The following COPS3 variants were observed in gnomAD, a reference collection of about 807,000 sequenced individuals.
COPS3 encodes COP9 signalosome complex subunit 3.
In COPS3, 10 loss-of-function variants were observed where a neutral mutation model predicts 58.2. The observed-to-expected ratio is 0.17, with a 90% CI of 0.11 to 0.29. The LOEUF is 0.29. COPS3 is among the 10% of genes least tolerant of loss of function. The pLI is 1.00. For synonymous variants in COPS3, 187 were observed against 181.7 expected (o/e 1.03, Z -0.24); for missense variants, 333 against 510.1 (o/e 0.65, Z 3.34).
At chr17:17,268,070 T>A in intron 4 of COPS3, 93 bp from the exon 5 acceptor site, 1 of 1,457,150 alleles carries the variant, frequency 6.9e-7, no homozygotes, top group Non-Finnish European at 9.1e-7. Flanking sequence ...ATAACACTAA[T>A]TGATAGGTTC....
chr17:17,271,851 T>TATATAG (rs2048355743), intron 2 of COPS3, among the ~76,000 whole-genome samples: 1 of 142,964 alleles, frequency 7.0e-6, no homozygotes. Context: ...TATATATATA[T>TATATAG]ATATATACAC....
intron 9 of COPS3, among the ~76,000 whole-genome samples, chr17:17,252,502 C>T (rs574005118): frequency 8.6e-5 from 13 of 151,964 alleles, no homozygotes; most frequent in Non-Finnish European, 1.6e-4. Context: ...ATCCCTGGCC[C>T]GTACCCATTA....
chr17:17,272,620 A>ATT, intron 2 of COPS3, among the ~76,000 whole-genome samples: 1 of 152,024 alleles, frequency 6.6e-6, no homozygotes, highest in East Asian at 1.9e-4. Flanking sequence ...ATTGAATGAA[A>ATT]ATATTGGCTG....
chr17:17,255,621 A>G (rs143866108), intron 8 of COPS3, among the ~76,000 whole-genome samples: 4 of 150,506 alleles, frequency 2.7e-5, no homozygotes, highest in African/African-American at 4.9e-5. Flanking sequence ...GGGTGGATCA[A>G]TTGAGGTCAA....
chr17:17,260,568 C>T, intron 7 of COPS3, 94 bp from the exon 8 acceptor site: 1 of 1,208,314 alleles, frequency 8.3e-7, no homozygotes, highest in South Asian at 1.4e-5. Flanking sequence ...CTTTGGGAGG[C>T]CGAGGCGGAC....
At chr17:17,268,096 T>G in intron 4 of COPS3, 119 bp from the exon 5 acceptor site, 1 of 1,329,674 alleles carries the variant, frequency 7.5e-7, no homozygotes, top group South Asian at 2.0e-5. Context: ...AATAGCAATA[T>G]GAGGTTTCCA....
At chr17:17,275,819 G>A (rs948703511) in intron 2 of COPS3, among the ~76,000 whole-genome samples, 2 of 152,240 alleles carry the variant, frequency 1.3e-5, no homozygotes, top group African/African-American at 4.8e-5. Context: ...GCGAGTGCCT[G>A]TAGTCCCAGC....
Position 17,247,021 on chromosome 17 carries a change from C to A in COPS3, c.*77G>T. On this transcript the variant is annotated 3_prime_UTR_variant, in exon 12 of 12. Transcript: ENST00000268717. ...GTCTCCAGGTGACACAGGCTTGGTCCTCTCTGCTGCCCTCCGAACACTTGT... is the reference window on the plus strand; with the variant it reads ...GTCTCCAGGTGACACAGGCTTGGTCATCTCTGCTGCCCTCCGAACACTTGT... The A allele has an allele frequency of 7.6e-7, 1 of 1,308,270 alleles. No individual in the cohort carries two copies. The highest frequency in any genetic ancestry group is 1.2e-5 in the South Asian group (1 of 84,866). The allele number at this position is 1,308,270 out of a possible 1,614,324, so 81.0% of individuals were successfully genotyped here. A position where few individuals can be genotyped will look rare whatever the true frequency, so the allele number is the denominator to read the frequency against.
chr17:17,255,485 C>CAAAAA lies in COPS3; in HGVS notation c.937-545_937-541dup, dbSNP rs10529108. On this transcript the variant is annotated intron_variant, in intron 8 of 11. Coordinates refer to ENST00000268717, the MANE Select transcript of COPS3 (RefSeq NM_003653.4). The stretch of plus-strand genomic sequence containing the variant: ...TGGACGACAGAGCAAGACTCTATTT[C>CAAAAA]AAAAAAAAAAGTGTACAGAGCTCTT... 2.3e-5 allele frequency among the ~76,000 whole-genome samples: 3 copies of CAAAAA among 129,034 alleles called. 1 individual carries two copies. Among genetic ancestry groups the CAAAAA allele is most frequent in the Non-Finnish European group, 3.2e-5 (2 of 63,136 alleles). The allele number at this position is 129,034 out of a possible 152,430, so 84.7% of individuals were successfully genotyped here. A position where few individuals can be genotyped will look rare whatever the true frequency, so the allele number is the denominator to read the frequency against.
At position 17,262,083 on chromosome 17, in the gene COPS3, C is replaced by A. The variant is rs374574802; in HGVS notation, c.645G>T (p.Ala215=). 4.3e-6 allele frequency: 7 copies of A among 1,610,292 alleles called. No homozygotes were observed. Among genetic ancestry groups the A allele is most frequent in the Non-Finnish European group, 5.9e-6 (7 of 1,178,980 alleles). The change falls in exon 7 of 12, where the codon GCG becomes GCT. Residue 215 remains alanine (A), a synonymous_variant. Transcript: ENST00000268717. The stretch of plus-strand genomic sequence containing the variant: ...ATGATTCCAACATGATATGACTGAC[C>A]GCCATGGCAGGAGTAGTTATAGCCT... ...YEQAITTPAM[A]VSHIMLESYK...
intron 2 of COPS3, among the ~76,000 whole-genome samples, chr17:17,271,910 ATATAT>A (rs1286653483): frequency 6.8e-6 from 1 of 147,466 alleles, no homozygotes; most frequent in Non-Finnish European, 1.5e-5. Context: ...ATAAACATGT[ATATAT>A]TAAACATATA....
intron 4 of COPS3, among the ~76,000 whole-genome samples, chr17:17,269,773 C>G (rs1017778116): frequency 2.0e-5 from 3 of 152,166 alleles, no homozygotes; most frequent in African/African-American, 7.2e-5. Flanking sequence ...ACTGTCCAAA[C>G]AGCTAATGTC....
chr17:17,268,386 A>G (rs1304158691), intron 4 of COPS3, among the ~76,000 whole-genome samples: 1 of 152,214 alleles, frequency 6.6e-6, no homozygotes. Flanking sequence ...CCCATAGGGC[A>G]GTCTACCCCT....
At chr17:17,270,711 G>A (rs749365527) in intron 4 of COPS3, 47 bp downstream of exon 4, 1 of 1,460,736 alleles carries the variant, frequency 6.8e-7, no homozygotes, top group Admixed American at 2.0e-5. Flanking sequence ...GTGTAAGCTA[G>A]TTACATATTA....
At chr17:17,280,768 G>C in intron 1 of COPS3, 1 of 1,234,184 alleles carries the variant, frequency 8.1e-7, no homozygotes, top group Non-Finnish European at 1.0e-6. Context: ...ATGGCGGTGC[G>C]CCAATCACCG....
intron 9 of COPS3, 129 bp downstream of exon 9, chr17:17,254,730 A>AATCC (rs2047923799): frequency 1.8e-6 from 1 of 541,844 alleles, no homozygotes; most frequent in Non-Finnish European, 3.2e-6. Flanking sequence ...GAATCACTTG[A>AATCC]ATCCGGGAGG....
At chr17:17,248,518 T>G (rs2047772204) in intron 10 of COPS3, among the ~76,000 whole-genome samples, 1 of 152,114 alleles carries the variant, frequency 6.6e-6, no homozygotes, top group African/African-American at 2.4e-5. Flanking sequence ...GGTTTTGCCA[T>G]GTTGGGCAGG....
At chr17:17,265,990 C>T (rs1303708304) in intron 5 of COPS3, among the ~76,000 whole-genome samples, 3 of 152,170 alleles carry the variant, frequency 2.0e-5, no homozygotes, top group Admixed American at 6.5e-5. Context: ...CTAATGGAGA[C>T]GCAGTGTAGA....
intron 8 of COPS3, among the ~76,000 whole-genome samples, chr17:17,258,149 G>C (rs62066063): frequency 3.2e-4 from 48 of 152,142 alleles, no homozygotes; most frequent in Non-Finnish European, 5.7e-4. Flanking sequence ...CCCTCCCCAG[G>C]TCCCTCTGGC....
Sources: allele counts gnomAD v4.1 joint callset (sites outside exome capture counted in the v4.1 genomes callset), GRCh38; gene constraint gnomAD v4.1.1; transcripts MANE v1.5; gene names NCBI Gene and HGNC (gene_info 2026-07-23, HGNC 2026-07-21).